DLGAP1: variants seen among roughly 807,000 people sequenced by gnomAD.
DLGAP1 encodes disks large-associated protein 1.
Under a neutral mutation model 90.8 loss-of-function variants are expected in DLGAP1, and 11 were observed. The observed-to-expected ratio is 0.12, with a 90% CI of 0.08 to 0.20. The LOEUF is 0.20. Ranked by LOEUF, DLGAP1 falls within the 10% of genes least tolerant of loss-of-function variation. DLGAP1 has a pLI of 1.00. For missense variants in DLGAP1, 1,050 were observed against 1,333.8 expected, an observed-to-expected ratio of 0.79 and a Z score of 3.31; for synonymous variants, 558 against 540.7, an observed-to-expected ratio of 1.03 and a Z score of -0.44.
chr18:3,821,121 C>T (rs1418055881), intron 4 of DLGAP1, among the ~76,000 whole-genome samples: 2 of 151,896 alleles, frequency 1.3e-5, no homozygotes, highest in Non-Finnish European at 2.9e-5. Context: ...CCCATCTCTA[C>T]AAAATAATTT....
intron 4 of DLGAP1, among the ~76,000 whole-genome samples, chr18:3,834,723 G>A (rs1238260636): frequency 6.6e-6 from 1 of 152,178 alleles, no homozygotes; most frequent in Admixed American, 6.5e-5. Flanking sequence ...GGAACACGGT[G>A]GGGGAGGGAG....
intron 3 of DLGAP1, among the ~76,000 whole-genome samples, chr18:3,971,530 T>C (rs2073449175): frequency 6.6e-6 from 1 of 152,204 alleles, no homozygotes; most frequent in African/African-American, 2.4e-5. Flanking sequence ...ATTCTATTCT[T>C]TTGTTTTTTC....
chr18:4,288,631 T>A lies in DLGAP1; in HGVS notation c.-266-137344A>T, dbSNP rs140296538. Among the ~76,000 whole-genome samples, 548 of 152,196 alleles carry A rather than the reference T, an allele frequency of 3.6e-3. 2 individuals are homozygous for A. Among genetic ancestry groups the A allele is most frequent in the Middle Eastern group, 0.017 (5 of 294 alleles). ...TGGGTCTGGCTGTGCCATGTTTTCATGTGTTGCACAGCTCTCGCAGGGGGA... is the reference window on the plus strand; with the variant it reads ...TGGGTCTGGCTGTGCCATGTTTTCAAGTGTTGCACAGCTCTCGCAGGGGGA... On this transcript the variant is annotated intron_variant, in intron 1 of 12. Coordinates refer to ENST00000315677, the MANE Select transcript of DLGAP1 (RefSeq NM_004746.4).
chr18:3,600,911 G>GATATAGATAT (rs1490281476), intron 7 of DLGAP1, among the ~76,000 whole-genome samples: 1 of 74,498 alleles, frequency 1.3e-5, no homozygotes, highest in Non-Finnish European at 3.0e-5. Flanking sequence ...TAGATATATA[G>GATATAGATAT]ATAGATATAG....
intron 2 of DLGAP1, among the ~76,000 whole-genome samples, chr18:4,014,658 C>A (rs1425284157): frequency 6.6e-6 from 1 of 152,002 alleles, no homozygotes; most frequent in Non-Finnish European, 1.5e-5. Context: ...TATCACATAT[C>A]CCCCCAAAAT....
intron 2 of DLGAP1, among the ~76,000 whole-genome samples, chr18:4,113,349 C>T (rs1417625843): frequency 2.0e-5 from 3 of 152,008 alleles, no homozygotes; most frequent in African/African-American, 2.4e-5. Context: ...TTTTCATTCC[C>T]TGATGATTAG....
chr18:3,848,715 T>C (rs1202476078), intron 4 of DLGAP1, among the ~76,000 whole-genome samples: 1 of 152,146 alleles, frequency 6.6e-6, no homozygotes, highest in Non-Finnish European at 1.5e-5. Flanking sequence ...CACCAAGAGA[T>C]ATTGATTTGG....
At chr18:4,259,845 G>A (rs188846058) in intron 1 of DLGAP1, among the ~76,000 whole-genome samples, 1 of 152,224 alleles carries the variant, frequency 6.6e-6, no homozygotes, top group African/African-American at 2.4e-5. Flanking sequence ...ATTTCCAAAC[G>A]CAAAACATCT....
chr18:3,600,098 C>G (rs1568275519), intron 7 of DLGAP1, among the ~76,000 whole-genome samples: 1 of 152,024 alleles, frequency 6.6e-6, no homozygotes, highest in African/African-American at 2.4e-5. Context: ...TTTTAAAAAA[C>G]TGTTTGTAAA....
Position 4,364,230 on chromosome 18 carries a change from G to A in DLGAP1, c.-267+90776C>T, listed in dbSNP as rs1316199848. ...ATGAGAACACATGGACACAGGAAGG[G>A]GAACATCACACTCTGGGGACTGTTG... On this transcript the variant is annotated intron_variant, in intron 1 of 12. Coordinates refer to ENST00000315677, the MANE Select transcript of DLGAP1 (RefSeq NM_004746.4). 3.0e-5 allele frequency among the ~76,000 whole-genome samples: 4 copies of A among 131,412 alleles called. No individual in the cohort carries two copies. The Admixed American group carries it at 3.4e-4, about 11-fold the overall frequency. The allele number at this position is 131,412 out of a possible 152,430, so 86.2% of individuals were successfully genotyped here.
At chr18:3,809,762 G>A (rs181363821) in intron 5 of DLGAP1, among the ~76,000 whole-genome samples, 5 of 152,322 alleles carry the variant, frequency 3.3e-5, no homozygotes, top group Middle Eastern at 3.4e-3. Flanking sequence ...TCTTTTAAAT[G>A]ACACCCCACT....
intron 7 of DLGAP1, among the ~76,000 whole-genome samples, chr18:3,644,854 G>T (rs992813241): frequency 4.7e-5 from 7 of 150,518 alleles, no homozygotes; most frequent in African/African-American, 1.7e-4. Flanking sequence ...TAACTAGAAA[G>T]TTCTCTATGG....
chr18:4,422,315 C>T (rs907477304), intron 1 of DLGAP1, among the ~76,000 whole-genome samples: 2 of 151,654 alleles, frequency 1.3e-5, no homozygotes, highest in Admixed American at 6.6e-5. Flanking sequence ...AAATAATTCA[C>T]CATATTGTCA....
At chr18:4,022,809 G>A (rs1416027155) in intron 2 of DLGAP1, among the ~76,000 whole-genome samples, 2 of 132,480 alleles carry the variant, frequency 1.5e-5, no homozygotes, top group East Asian at 2.0e-4. Flanking sequence ...CACCATCAAG[G>A]TATCAGGGAT....
At chr18:4,229,662 T>C (rs994319500) in intron 1 of DLGAP1, among the ~76,000 whole-genome samples, 1 of 151,892 alleles carries the variant, frequency 6.6e-6, no homozygotes, top group African/African-American at 2.4e-5. Context: ...CTTGCCATAT[T>C]AAGAAAAGCA....
intron 3 of DLGAP1, among the ~76,000 whole-genome samples, chr18:3,955,071 G>A (rs573677688): frequency 2.6e-5 from 4 of 152,132 alleles, no homozygotes; most frequent in African/African-American, 4.8e-5. Flanking sequence ...TCCAGGCTGC[G>A]GGGGGGAAGG....
At chr18:4,395,811 T>C (rs775967317) in intron 1 of DLGAP1, among the ~76,000 whole-genome samples, 235 of 152,140 alleles carry the variant, frequency 1.5e-3, no homozygotes, top group Non-Finnish European at 2.2e-3. Context: ...GAAAGATATA[T>C]AAAAACATTC....
rs572366902 is a variant in DLGAP1 at position 3,879,209 on chromosome 18, C to G, written c.860G>C (p.Arg287Pro). ...GGCCTTCTGGTAAACCTCCCGGGCC[C>G]GGCTCACGGTGAGCGTGGAGGACCA... The part of the protein sequence containing the change: ...SAWSSTLTVS[R>P]AREVYQKASV... The change falls in exon 4 of 13, where the codon CGG (arginine) becomes CCG (proline). Residue 287 changes from arginine to proline, a missense_variant. Arg to Pro is a moderately radical substitution (Grantham distance 103, BLOSUM62 -2). Around this residue, in one of 2 missense-constraint regions of DLGAP1, gnomAD observed 485 missense variants for 454.1 expected, o/e 1.07. Transcript: ENST00000315677. This position sits in a 1 kb window ranked among gnomAD's most constrained non-coding sequence, Gnocchi z 6.6. 14 of 1,562,882 alleles carry G rather than the reference C, an allele frequency of 9.0e-6. No individual in the cohort carries two copies. Among genetic ancestry groups the G allele is most frequent in the Non-Finnish European group, 1.1e-5 (13 of 1,154,620 alleles).
At chr18:3,863,514 C>T (rs1473298612) in intron 4 of DLGAP1, among the ~76,000 whole-genome samples, 1 of 152,216 alleles carries the variant, frequency 6.6e-6, no homozygotes, top group East Asian at 1.9e-4. Context: ...AACTAGCTAG[C>T]TCTGCTCTTC....
Sources: allele counts gnomAD v4.1 joint callset (sites outside exome capture counted in the v4.1 genomes callset), GRCh38; gene constraint gnomAD v4.1.1; regional missense constraint gnomAD v4.1.1; non-coding constraint Gnocchi (gnomAD v3.1); transcripts MANE v1.5; gene names NCBI Gene and HGNC (gene_info 2026-07-23, HGNC 2026-07-21).